Variants in DCAF8L2 observed in about 807,000 individuals in gnomAD.
The protein encoded by DCAF8L2 is DDB1 and CUL4 associated factor 8 like 2.
For synonymous variants in DCAF8L2, 200 were observed against 190.9 expected (o/e 1.05, Z -0.39); for missense variants, 430 against 490.7 (o/e 0.88, Z 1.17).
the DCAF8L2 span, among the ~76,000 whole-genome samples, chrX:27,514,848 T>C: frequency 3.6e-5 from 4 of 110,132 alleles, no homozygotes; most frequent in East Asian, 1.2e-3. Context: ...ATTTTATAGA[T>C]TGAGAAAGTA....
the DCAF8L2 span, among the ~76,000 whole-genome samples, chrX:27,564,589 T>A: frequency 9.0e-6 from 1 of 110,549 alleles, no homozygotes; most frequent in African/African-American, 3.3e-5. Flanking sequence ...CATCAGCATA[T>A]CTGGGAGTCT....
At chrX:27,492,865 C>G in the DCAF8L2 span, among the ~76,000 whole-genome samples, 1 of 112,001 alleles carries the variant, frequency 8.9e-6, no homozygotes, top group Non-Finnish European at 1.9e-5. Context: ...TATGAGAGTT[C>G]CAGTTTCTCC....
At chrX:27,688,384 A>G (rs1007829785) in intron 3 of DCAF8L2, among the ~76,000 whole-genome samples, 1 of 112,120 alleles carries the variant, frequency 8.9e-6, no homozygotes, top group Non-Finnish European at 1.9e-5. Context: ...TTGAGCTCAC[A>G]GTTCTTAACT....
the DCAF8L2 span, among the ~76,000 whole-genome samples, chrX:27,532,772 ATTTT>A: frequency 4.0e-5 from 3 of 75,276 alleles, no homozygotes; most frequent in South Asian, 2.0e-3. Context: ...TTATTTATTT[ATTTT>A]TAATTAGCAA....
chrX:27,474,465 T>C, the DCAF8L2 span, among the ~76,000 whole-genome samples: 73 of 111,309 alleles, frequency 6.6e-4, no homozygotes, highest in Non-Finnish European at 1.3e-3. Flanking sequence ...ATACCTTGAG[T>C]TGAAACTCAG....
chrX:27,698,725 A>G (rs1332427240), intron 3 of DCAF8L2, among the ~76,000 whole-genome samples: 2 of 111,537 alleles, frequency 1.8e-5, no homozygotes, highest in Non-Finnish European at 3.8e-5. Flanking sequence ...ACACCGTCTG[A>G]CTTTTAAAAA....
At chrX:27,553,670 A>G in the DCAF8L2 span, among the ~76,000 whole-genome samples, 10,519 of 110,672 alleles carry the variant, frequency 0.095, 396 homozygotes, top group Non-Finnish European at 0.12. Context: ...TCTTGACTCA[A>G]TGTTTTTTGT....
At chrX:27,622,670 A>G (rs1927833059) in intron 1 of DCAF8L2, among the ~76,000 whole-genome samples, 1 of 111,340 alleles carries the variant, frequency 9.0e-6, no homozygotes, top group Non-Finnish European at 1.9e-5. Flanking sequence ...CCATTCAGGT[A>G]ACATTTAAAA....
intron 2 of DCAF8L2, among the ~76,000 whole-genome samples, chrX:27,667,815 C>T (rs933275895): frequency 8.9e-6 from 1 of 111,888 alleles, no homozygotes; most frequent in African/African-American, 3.2e-5. Flanking sequence ...TAATCATTAC[C>T]ATACTGATTA....
intron 1 of DCAF8L2, among the ~76,000 whole-genome samples, chrX:27,599,172 A>G (rs1164927091): frequency 9.0e-6 from 1 of 110,930 alleles, no homozygotes; most frequent in East Asian, 2.8e-4. Flanking sequence ...TACAGAATAA[A>G]ATATTATTCG....
At chrX:27,609,930 C>T (rs1037520019) in intron 1 of DCAF8L2, among the ~76,000 whole-genome samples, 14 of 111,583 alleles carry the variant, frequency 1.3e-4, no homozygotes, top group African/African-American at 4.6e-4. Flanking sequence ...CAAACCTCTT[C>T]GTTATTTATT....
the DCAF8L2 span, among the ~76,000 whole-genome samples, chrX:27,513,806 CAT>C: frequency 2.7e-5 from 3 of 110,178 alleles, no homozygotes; most frequent in East Asian, 8.6e-4. Flanking sequence ...CATCACTAAA[CAT>C]AAGGAAAATT....
the DCAF8L2 span, among the ~76,000 whole-genome samples, chrX:27,505,002 T>C: frequency 1.8e-5 from 2 of 111,700 alleles, no homozygotes; most frequent in South Asian, 7.5e-4. Flanking sequence ...CTCTGCCCAG[T>C]GTTACTCCTG....
intron 1 of DCAF8L2, among the ~76,000 whole-genome samples, chrX:27,610,450 T>A (rs765523704): frequency 4.7e-4 from 52 of 110,967 alleles, no homozygotes; most frequent in African/African-American, 1.6e-3. Context: ...AATAAATACT[T>A]ATTTTAACGA....
In DCAF8L2 at chrX:27,591,014, T is replaced by TATATATATAA. The variant is rs201564902; in HGVS notation, c.-342+575_-342+576insTATATATAAA. Among the ~76,000 whole-genome samples, 308 of 96,771 alleles carry TATATATATAA rather than the reference T, an allele frequency of 3.2e-3. 2 individuals are homozygous for TATATATATAA. The highest frequency in any genetic ancestry group is 0.011 in the African/African-American group (292 of 27,564). 84.0% of individuals were successfully genotyped at this position (96,771 alleles called of 115,157 possible). A position where few individuals can be genotyped will look rare whatever the true frequency, so the allele number is the denominator to read the frequency against. ...TTTTATATATATATATATATATATA[T>TATATATATAA]AAATAAATAATTTGATAGGTTACAT... On this transcript the variant is annotated intron_variant, in intron 1 of 4. Transcript: ENST00000451261.
intron 3 of DCAF8L2, among the ~76,000 whole-genome samples, chrX:27,693,606 A>AT (rs1930789498): frequency 9.0e-6 from 1 of 110,745 alleles, no homozygotes. Flanking sequence ...CCCTTTGCTC[A>AT]TTTTTTAATG....
At chrX:27,471,946 A>G in the DCAF8L2 span, among the ~76,000 whole-genome samples, 1 of 111,979 alleles carries the variant, frequency 8.9e-6, no homozygotes, top group African/African-American at 3.2e-5. Flanking sequence ...ATTAAAATCT[A>G]TCAATTTGGT....
rs184651462 is a variant in DCAF8L2, at chrX:27,648,937, T to C, written c.-220+16937T>C. ...GGTTAGTACTGTATATTGGCTCATA[T>C]TGGAACCAAGTTTCTTGAACCTAGC... On this transcript the variant is annotated intron_variant, in intron 2 of 4. Transcript: ENST00000451261. Among the ~76,000 whole-genome samples the C allele has an allele frequency of 4.7e-3, 523 of 112,192 alleles. 6 individuals carry two copies. Among genetic ancestry groups the C allele is most frequent in the African/African-American group, 0.017 (513 of 30,962 alleles).
the DCAF8L2 span, among the ~76,000 whole-genome samples, chrX:27,544,832 A>G: frequency 9.0e-6 from 1 of 111,679 alleles, no homozygotes; most frequent in Admixed American, 9.5e-5. Flanking sequence ...AGATATCACT[A>G]TTTTCTCAGG....
Sources: allele counts gnomAD v4.1 joint callset (sites outside exome capture counted in the v4.1 genomes callset), GRCh38; gene constraint gnomAD v4.1.1; transcripts MANE v1.5; gene names NCBI Gene and HGNC (gene_info 2026-07-23, HGNC 2026-07-21).